The following SMIM36 variants were observed in gnomAD, a reference collection of about 807,000 sequenced individuals.
SMIM36 encodes the protein small integral membrane protein 36.
At chr17:55,497,131 A>T (rs76500319) in intron 1 of SMIM36, among the ~76,000 whole-genome samples, 2,771 of 152,166 alleles carry the variant, frequency 0.018, 79 homozygotes, top group African/African-American at 0.059. Context: ...ATTTGTCCCT[A>T]GTCCTTCTCT....
intron 3 of SMIM36, among the ~76,000 whole-genome samples, chr17:55,468,652 G>T (rs538467443): frequency 6.6e-6 from 1 of 152,072 alleles, no homozygotes; most frequent in Non-Finnish European, 1.5e-5. Context: ...CCACATTACA[G>T]CCTAGGGTGG....
the SMIM36 span, among the ~76,000 whole-genome samples, chr17:55,528,970 A>T: frequency 6.6e-6 from 1 of 152,216 alleles, no homozygotes; most frequent in Admixed American, 6.5e-5. Context: ...AGAACCAGGA[A>T]ATCTGGGTAG....
chr17:55,522,698 A>G, the SMIM36 span, among the ~76,000 whole-genome samples: 1 of 152,144 alleles, frequency 6.6e-6, no homozygotes, highest in South Asian at 2.1e-4. Context: ...ACACAGCCAA[A>G]TCATGTCACC....
chr17:55,502,014 A>G (rs971501915), intron 1 of SMIM36, among the ~76,000 whole-genome samples: 3 of 151,668 alleles, frequency 2.0e-5, no homozygotes, highest in African/African-American at 7.3e-5. Flanking sequence ...CGCTTTTCAG[A>G]CCGGCTTAAA....
chr17:55,530,794 C>G, the SMIM36 span, among the ~76,000 whole-genome samples: 1 of 151,390 alleles, frequency 6.6e-6, no homozygotes, highest in Non-Finnish European at 1.5e-5. Context: ...AAAAAAAATG[C>G]AGGAAAGCAG....
intron 2 of SMIM36, among the ~76,000 whole-genome samples, 155 bp downstream of exon 2, chr17:55,479,305 C>G (rs1909480018): frequency 6.6e-6 from 1 of 152,220 alleles, no homozygotes; most frequent in Non-Finnish European, 1.5e-5. Flanking sequence ...GGTTGTGCAG[C>G]CCCGTGTGGT....
chr17:55,469,834 C>G (rs11656380), intron 3 of SMIM36, among the ~76,000 whole-genome samples: 7 of 151,844 alleles, frequency 4.6e-5, no homozygotes, highest in Admixed American at 6.6e-5. Context: ...AAAAATTAGC[C>G]GGGCATGGTG....
At chr17:55,459,172 C>G (rs537416096) in intron 4 of SMIM36, among the ~76,000 whole-genome samples, 2 of 152,098 alleles carry the variant, frequency 1.3e-5, no homozygotes, top group African/African-American at 4.8e-5. Context: ...AGATGCGAGC[C>G]CCACCCCCAT....
chr17:55,508,455 TA>T (rs1910122487), intron 1 of SMIM36, among the ~76,000 whole-genome samples: 2 of 97,492 alleles, frequency 2.1e-5, no homozygotes, highest in East Asian at 5.0e-4. Flanking sequence ...TATATATATA[TA>T]TATATATATA....
At chr17:55,496,758 A>T (rs139096047) in intron 1 of SMIM36, among the ~76,000 whole-genome samples, 1 of 152,182 alleles carries the variant, frequency 6.6e-6, no homozygotes, top group Non-Finnish European at 1.5e-5. Flanking sequence ...CAAAAGTGTG[A>T]CTTTTCTGCA....
At chr17:55,528,562 T>TC in the SMIM36 span, among the ~76,000 whole-genome samples, 2 of 151,268 alleles carry the variant, frequency 1.3e-5, no homozygotes, top group Admixed American at 1.3e-4. Context: ...TTTCTTTTTT[T>TC]TTTTTTTGAG....
chr17:55,517,027 G>C, the SMIM36 span, among the ~76,000 whole-genome samples: 1 of 152,280 alleles, frequency 6.6e-6, no homozygotes, highest in East Asian at 1.9e-4. Context: ...AGGCAGAAAG[G>C]GTTCAGCTTT....
intron 3 of SMIM36, among the ~76,000 whole-genome samples, chr17:55,476,669 A>C (rs1326989005): frequency 1.3e-5 from 2 of 152,084 alleles, no homozygotes; most frequent in African/African-American, 4.8e-5. Flanking sequence ...CCGGGTTCAA[A>C]TAATTCTCCC....
At chr17:55,457,671 C>T (rs1439295077) in intron 4 of SMIM36, among the ~76,000 whole-genome samples, 3 of 151,546 alleles carry the variant, frequency 2.0e-5, no homozygotes, top group South Asian at 2.1e-4. Flanking sequence ...GGATTACAGG[C>T]GCCCACAACC....
chr17:55,495,722 A>C (rs1567869331), intron 1 of SMIM36, among the ~76,000 whole-genome samples: 1 of 152,028 alleles, frequency 6.6e-6, no homozygotes, highest in African/African-American at 2.4e-5. Flanking sequence ...TGACCCCAGA[A>C]GTTCAAGGCT....
intron 1 of SMIM36, among the ~76,000 whole-genome samples, chr17:55,483,786 C>T (rs952807990): frequency 2.6e-5 from 4 of 151,980 alleles, no homozygotes; most frequent in Admixed American, 6.6e-5. Flanking sequence ...TGTGTGTACC[C>T]GCTAATTTTT....
intron 3 of SMIM36, among the ~76,000 whole-genome samples, chr17:55,469,495 C>A (rs940521811): frequency 1.3e-5 from 2 of 152,198 alleles, no homozygotes; most frequent in African/African-American, 4.8e-5. Context: ...TTTTATCACC[C>A]AGTCCACTCC....
chr17:55,498,178 A>C (rs1175138731), intron 1 of SMIM36, among the ~76,000 whole-genome samples: 1 of 152,212 alleles, frequency 6.6e-6, no homozygotes, highest in Non-Finnish European at 1.5e-5. Flanking sequence ...ATAACGACAC[A>C]GTCCTATTGG....
chr17:55,480,083 A>G (rs569730454), intron 1 of SMIM36, among the ~76,000 whole-genome samples: 1 of 152,248 alleles, frequency 6.6e-6, no homozygotes. Context: ...CGCCACTTCC[A>G]GTTCAGCACC....
Sources: gnomAD v4.1 joint callset for allele counts (sites outside exome capture counted in the v4.1 genomes callset) on GRCh38, gnomAD v4.1.1 for gene constraint, MANE v1.5 for transcripts, NCBI Gene and HGNC (gene_info 2026-07-23, HGNC 2026-07-21) for gene names.